The following ELMO1 variants were observed in gnomAD, a reference collection of about 807,000 sequenced individuals.
ELMO1 encodes engulfment and cell motility 1.
ELMO1 carries 26 observed loss-of-function variants against 98.9 expected under a neutral mutation model. The ratio of observed to expected loss-of-function variants is 0.26; its 90% confidence interval spans 0.19 to 0.36. The LOEUF is 0.36. Ranked by LOEUF, ELMO1 falls within the 10% of genes least tolerant of loss-of-function variation. The probability of loss-of-function intolerance (pLI) is 1.00; values close to 1 mark genes in which losing one functional copy is unlikely to be tolerated. For missense variants in ELMO1, 627 were observed against 935.2 expected, an observed-to-expected ratio of 0.67 and a Z score of 4.30; for synonymous variants, 346 against 346.0, an observed-to-expected ratio of 1.00 and a Z score of 0.00.
At chr7:37,134,338 G>A (rs557178333) in intron 13 of ELMO1, among the ~76,000 whole-genome samples, 40 of 152,224 alleles carry the variant, frequency 2.6e-4, no homozygotes, top group South Asian at 1.5e-3. Flanking sequence ...GGAGGCTGAG[G>A]CAGGTGGATT....
chr7:37,084,368 A>G (rs995262116), intron 15 of ELMO1, among the ~76,000 whole-genome samples: 36 of 152,234 alleles, frequency 2.4e-4, no homozygotes, highest in Admixed American at 1.7e-3. Flanking sequence ...CATGCAACAA[A>G]CGCTTATTAA....
rs563775338 is a variant in ELMO1, at chr7:37,136,033, C to T, written c.1087-2799G>A. 1.2e-4 allele frequency among the ~76,000 whole-genome samples: 18 copies of T among 152,194 alleles called. No homozygotes were observed. The South Asian group carries it at 3.5e-3, about 30-fold the overall frequency. On this transcript the variant is annotated intron_variant, in intron 13 of 21. Coordinates refer to ENST00000310758, the MANE Select transcript of ELMO1 (RefSeq NM_014800.11). ...GTGAAACAGCATAAATAAAAACAATCAGAACTTCTGGAAACCAAGGACACA... is the reference window on the plus strand; with the variant it reads ...GTGAAACAGCATAAATAAAAACAATTAGAACTTCTGGAAACCAAGGACACA...
At chr7:36,958,072 G>A (rs964011650) in intron 16 of ELMO1, among the ~76,000 whole-genome samples, 2 of 152,144 alleles carry the variant, frequency 1.3e-5, no homozygotes, top group African/African-American at 2.4e-5. Flanking sequence ...CTCTGATCCT[G>A]CTGTGACTCT....
intron 13 of ELMO1, among the ~76,000 whole-genome samples, chr7:37,149,049 G>A (rs545995441): frequency 1.3e-4 from 20 of 152,296 alleles, no homozygotes; most frequent in Non-Finnish European, 2.8e-4. Context: ...GGCAGCCTCT[G>A]GTGAGGAACG....
chr7:37,002,497 T>G (rs565772822), intron 16 of ELMO1, among the ~76,000 whole-genome samples: 1 of 152,200 alleles, frequency 6.6e-6, no homozygotes, highest in Non-Finnish European at 1.5e-5. Context: ...ATGTGGTGAT[T>G]GTACCGACTT....
intron 1 of ELMO1, among the ~76,000 whole-genome samples, chr7:37,395,905 T>G (rs1418121911): frequency 6.6e-6 from 1 of 152,206 alleles, no homozygotes. Context: ...TGATTAACAG[T>G]GAGAAAAAAT....
intron 15 of ELMO1, among the ~76,000 whole-genome samples, chr7:37,041,158 T>C (rs1320118038): frequency 6.6e-6 from 1 of 152,040 alleles, no homozygotes; most frequent in Non-Finnish European, 1.5e-5. Flanking sequence ...AAGAGGGGCA[T>C]ATGCAATAGG....
At chr7:37,314,813 A>G (rs770795929) in intron 4 of ELMO1, 37 bp downstream of exon 4, 311 of 1,576,468 alleles carry the variant, frequency 2.0e-4, no homozygotes, top group Non-Finnish European at 2.6e-4. Flanking sequence ...ACTTTCCTTC[A>G]ATATGTATCC....
intron 1 of ELMO1, among the ~76,000 whole-genome samples, chr7:37,441,299 G>C (rs954023809): frequency 2.6e-5 from 4 of 152,184 alleles, no homozygotes; most frequent in Admixed American, 2.6e-4. Context: ...TCTGGACTAC[G>C]ACAGCAGCCA....
chr7:37,233,301 A>G, intron 7 of ELMO1, 107 bp from the exon 8 acceptor site: 2 of 907,852 alleles, frequency 2.2e-6, no homozygotes, highest in Admixed American at 2.7e-5. Context: ...TTAAAAGATC[A>G]AGAGACAAAT....
chr7:36,867,393 T>C (rs969370792), intron 20 of ELMO1, among the ~76,000 whole-genome samples: 4 of 152,208 alleles, frequency 2.6e-5, no homozygotes, highest in Non-Finnish European at 4.4e-5. Context: ...ATCTGTTATA[T>C]GGGTGACTCT....
chr7:37,283,629 T>G (rs1797249802), intron 4 of ELMO1, among the ~76,000 whole-genome samples: 1 of 152,208 alleles, frequency 6.6e-6, no homozygotes, highest in Non-Finnish European at 1.5e-5. Flanking sequence ...TTTCAGACAG[T>G]GGGGCAGCCC....
intron 1 of ELMO1, among the ~76,000 whole-genome samples, chr7:37,430,429 C>T (rs1421694575): frequency 2.6e-5 from 4 of 152,214 alleles, no homozygotes; most frequent in South Asian, 4.1e-4. Flanking sequence ...AAAAGGCACT[C>T]CTCAGAGGGT....
At chr7:37,268,194 C>T (rs1187339828) in intron 5 of ELMO1, among the ~76,000 whole-genome samples, 1 of 152,178 alleles carries the variant, frequency 6.6e-6, no homozygotes, top group Non-Finnish European at 1.5e-5. Flanking sequence ...ATGATCATGG[C>T]AGGTAGGAGA....
chr7:37,276,914 G>A (rs950434164), intron 4 of ELMO1, among the ~76,000 whole-genome samples: 4 of 152,118 alleles, frequency 2.6e-5, no homozygotes, highest in South Asian at 2.1e-4. Flanking sequence ...AGCAGCCCTC[G>A]GAGCATCAAT....
intron 13 of ELMO1, among the ~76,000 whole-genome samples, chr7:37,167,520 T>G (rs1416351790): frequency 2.7e-5 from 4 of 150,476 alleles, no homozygotes; most frequent in Non-Finnish European, 4.5e-5. Context: ...AGGAGCTCTT[T>G]TAGGGCAGGC....
intron 13 of ELMO1, among the ~76,000 whole-genome samples, chr7:37,199,052 A>C (rs916653099): frequency 1.3e-5 from 2 of 152,200 alleles, no homozygotes; most frequent in Admixed American, 6.5e-5. Context: ...CCCCTAGTGG[A>C]CCAGAGAACA....
chr7:37,105,386 C>T (rs1784887234), intron 14 of ELMO1, among the ~76,000 whole-genome samples: 1 of 152,182 alleles, frequency 6.6e-6, no homozygotes. Context: ...CTAAAATCTC[C>T]CCTTTTATGC....
chr7:37,024,409 T>C (rs1338299950), intron 15 of ELMO1, among the ~76,000 whole-genome samples: 1 of 152,170 alleles, frequency 6.6e-6, no homozygotes, highest in Non-Finnish European at 1.5e-5. Context: ...TCCATCTCTT[T>C]TCTTACTTTT....
Sources: allele counts gnomAD v4.1 joint callset (sites outside exome capture counted in the v4.1 genomes callset), GRCh38; gene constraint gnomAD v4.1.1; transcripts MANE v1.5; gene names NCBI Gene and HGNC (gene_info 2026-07-23, HGNC 2026-07-21).